CDH26: variants seen among roughly 807,000 people sequenced by gnomAD.
The protein encoded by CDH26 is cadherin 26, also known as cadherin-like protein 26.
A neutral mutation model predicts 90.3 loss-of-function variants in CDH26; 83 were observed. The observed-to-expected ratio is 0.92, with a 90% CI of 0.77 to 1.10. The LOEUF is 1.10. CDH26 is among the 50% of genes least tolerant of loss of function. CDH26 has a pLI of 0.00. For missense variants in CDH26, 1,013 were observed against 1,037.6 expected (o/e 0.98, Z 0.33); for synonymous variants, 397 against 396.3 (o/e 1.00, Z -0.02).
chr20:60,004,752 C>T lies in CDH26; in HGVS notation c.2220+1886C>T, dbSNP rs190697696. Among the ~76,000 whole-genome samples the T allele has an allele frequency of 2.1e-3, 265 of 124,190 alleles. 8 individuals carry two copies. In the East Asian group the frequency reaches 0.051, roughly 24 times the overall value. 81.5% of individuals were successfully genotyped at this position (124,190 alleles called of 152,430 possible). On this transcript the variant is annotated intron_variant, in intron 16 of 17. Coordinates refer to ENST00000348616, the MANE Select transcript of CDH26 (RefSeq NM_177980.4). ...CTGCACTCCAGCCTGGGTGACAGAG[C>T]GAGACTCCATCTCAAAAAAAAAAAA...
At chr20:59,973,951 C>T (rs1052182085) in intron 4 of CDH26, among the ~76,000 whole-genome samples, 1 of 152,172 alleles carries the variant, frequency 6.6e-6, no homozygotes, top group Non-Finnish European at 1.5e-5. Context: ...CTGTTTTTAG[C>T]TCTTTGAGGA....
downstream of CDH26, among the ~76,000 whole-genome samples, chr20:60,035,021 T>C (rs903120136): frequency 2.0e-5 from 3 of 152,218 alleles, no homozygotes; most frequent in Non-Finnish European, 2.9e-5. Flanking sequence ...TAGAAATGCA[T>C]ATCATTTAAA....
At chr20:60,035,889 G>C (rs528133795), downstream of CDH26, among the ~76,000 whole-genome samples, 3 of 151,994 alleles carry the variant, frequency 2.0e-5, no homozygotes, top group East Asian at 5.8e-4. Context: ...GGCCTCCCCA[G>C]CCCTACAGAC....
rs1264751812 is a variant in CDH26 at position 59,987,449 on chromosome 20, T to C, written c.838-4T>C. The C allele has an allele frequency of 1.9e-6, 3 of 1,603,304 alleles. No individual in the cohort carries two copies. The highest frequency in any genetic ancestry group is 2.6e-6 in the Non-Finnish European group (3 of 1,175,654). On this transcript the variant is annotated splice_polypyrimidine_tract_variant and splice_region_variant and intron_variant, in intron 7 of 17. Coordinates refer to ENST00000348616, the MANE Select transcript of CDH26 (RefSeq NM_177980.4). ...GACATGGACATGATGATTGCTTCTT[T>C]CAGTATAAGGTTCAGATTCCTGAAG...
At chr20:59,991,281 G>A (rs933419652) in intron 9 of CDH26, among the ~76,000 whole-genome samples, 4 of 152,204 alleles carry the variant, frequency 2.6e-5, no homozygotes, top group Non-Finnish European at 2.9e-5. Context: ...CTCAGGAAAT[G>A]TTTGGACTGT....
chr20:60,004,785 A>AG (rs2061724202), intron 16 of CDH26, among the ~76,000 whole-genome samples: 3 of 147,190 alleles, frequency 2.0e-5, no homozygotes, highest in South Asian at 4.2e-4. Flanking sequence ...AAAAAAAAAA[A>AG]GAAAAGAAAA....
rs1241633459 is a variant in CDH26 at position 59,967,867 on chromosome 20, T to C, written c.70-1100T>C. Among the ~76,000 whole-genome samples the C allele has an allele frequency of 2.1e-3, 236 of 114,850 alleles. 4 individuals carry two copies. Among genetic ancestry groups the C allele is most frequent in the African/African-American group, 0.012 (220 of 18,960 alleles). The allele number at this position is 114,850 out of a possible 152,430, so 75.3% of individuals were successfully genotyped here. A position where few individuals can be genotyped will look rare whatever the true frequency, so the allele number is the denominator to read the frequency against. On this transcript the variant is annotated intron_variant, in intron 1 of 17. Coordinates refer to ENST00000348616, the MANE Select transcript of CDH26 (RefSeq NM_177980.4). ...TTTCTTTCTTTCTTTCTTTCTTTCT[T>C]TCTTTCTTTCTTCCTTCCTTCCTTC...
At chr20:59,968,462 G>C (rs114108653) in intron 1 of CDH26, among the ~76,000 whole-genome samples, 3,834 of 152,108 alleles carry the variant, frequency 0.025, 160 homozygotes, top group African/African-American at 0.085. Context: ...AAGGATTGTT[G>C]AGATATAAAT....
intron 4 of CDH26, among the ~76,000 whole-genome samples, chr20:59,977,362 C>T (rs1296436004): frequency 4.6e-5 from 7 of 152,130 alleles, no homozygotes; most frequent in Admixed American, 6.5e-5. Context: ...CCCTTTTCTG[C>T]GACTCTGAAC....
intron 11 of CDH26, among the ~76,000 whole-genome samples, chr20:59,994,951 C>T (rs955057617): frequency 1.3e-5 from 2 of 152,156 alleles, no homozygotes; most frequent in Non-Finnish European, 2.9e-5. Flanking sequence ...GAAGTGTGGG[C>T]TTCCCTAAGG....
intron 7 of CDH26, chr20:60,031,161 T>A (rs1284452621): frequency 9.6e-7 from 1 of 1,042,234 alleles, no homozygotes; most frequent in Non-Finnish European, 1.2e-6. Flanking sequence ...AATGTAGCAG[T>A]GGGGATGAAC....
At position 60,012,624 on chromosome 20, in the gene CDH26, C is replaced by T. The variant is rs766481135; in HGVS notation, c.2393C>T (p.Ser798Phe). The T allele has an allele frequency of 2.5e-6, 4 of 1,613,900 alleles. No individual in the cohort carries two copies. Among genetic ancestry groups the T allele is most frequent in the African/African-American group, 1.3e-5 (1 of 74,884 alleles). Residue 798 changes from serine (S) to phenylalanine (F), a missense_variant, in exon 18 of 18, where the codon TCT (serine) becomes TTT (phenylalanine). By Grantham distance (155) the Ser-to-Phe change is radical. Transcript: ENST00000348616. ...GECGGAPSLS[S>F]LASLEQELQP... ...TGTGGAGGGGCCCCATCCCTCAGCTCTCTGGCCAGCTTGGAACAGGAGTTG... is the reference window on the plus strand; with the variant it reads ...TGTGGAGGGGCCCCATCCCTCAGCTTTCTGGCCAGCTTGGAACAGGAGTTG...
At chr20:60,031,686 G>A (rs1172720431) in intron 8 of CDH26, among the ~76,000 whole-genome samples, 4 of 152,216 alleles carry the variant, frequency 2.6e-5, no homozygotes, top group African/African-American at 9.6e-5. Context: ...GAGAGGCTGG[G>A]AGAGAGTTGG....
At chr20:60,022,359 G>A (rs1350467322) in intron 7 of CDH26, among the ~76,000 whole-genome samples, 1 of 152,162 alleles carries the variant, frequency 6.6e-6, no homozygotes, top group Non-Finnish European at 1.5e-5. Flanking sequence ...AAAGATAGCG[G>A]CAGTCTGAGA....
At position 59,980,867 on chromosome 20, in the gene CDH26, G is replaced by T. The variant is rs6092851; in HGVS notation, c.394-2056G>T. 3.1e-3 allele frequency among the ~76,000 whole-genome samples: 472 copies of T among 152,126 alleles called. 3 individuals carry two copies. The highest frequency in any genetic ancestry group is 0.011 in the African/African-American group (454 of 41,518). ...AGATTTTCTCCTTTTTTTACTAAAA[G>T]TTTTATAGTTTTATGTTTTACATGT... On this transcript the variant is annotated intron_variant, in intron 4 of 17. Coordinates refer to ENST00000348616, the MANE Select transcript of CDH26 (RefSeq NM_177980.4).
At chr20:60,032,523 A>T (rs931255252) in intron 8 of CDH26, among the ~76,000 whole-genome samples, 1 of 152,222 alleles carries the variant, frequency 6.6e-6, no homozygotes, top group African/African-American at 2.4e-5. Context: ...AACATAAATC[A>T]TGCTGCTATA....
At chr20:59,990,543 G>T (rs1283091420) in intron 9 of CDH26, among the ~76,000 whole-genome samples, 1 of 152,202 alleles carries the variant, frequency 6.6e-6, no homozygotes, top group South Asian at 2.1e-4. Flanking sequence ...GGAATGGCTA[G>T]ATTTTTTAAA....
At chr20:59,979,439 T>G (rs2061367085) in intron 4 of CDH26, among the ~76,000 whole-genome samples, 1 of 151,934 alleles carries the variant, frequency 6.6e-6, no homozygotes, top group African/African-American at 2.4e-5. Context: ...CCTTGTGATC[T>G]GCCCACCTGG....
chr20:59,998,348 A>C (rs1466990858), intron 13 of CDH26, among the ~76,000 whole-genome samples: 1 of 152,204 alleles, frequency 6.6e-6, no homozygotes, highest in Non-Finnish European at 1.5e-5. Flanking sequence ...TGGAAGGGAC[A>C]GTGGGGATGC....
Sources: allele counts gnomAD v4.1 joint callset (sites outside exome capture counted in the v4.1 genomes callset), GRCh38; gene constraint gnomAD v4.1.1; transcripts MANE v1.5; gene names NCBI Gene and HGNC (gene_info 2026-07-23, HGNC 2026-07-21).